KCNK9: variants seen among roughly 807,000 people sequenced by gnomAD.
KCNK9 encodes the protein potassium channel subfamily K member 9.
In KCNK9, 1 loss-of-function variant was observed where a neutral mutation model predicts 10.8. The ratio of observed to expected loss-of-function variants is 0.09; its 90% CI spans 0.03 to 0.44. The LOEUF (loss-of-function observed/expected upper bound fraction) is 0.44, where lower values mean the gene tolerates loss of function less well. Ranked by LOEUF, KCNK9 falls within the 20% of genes least tolerant of loss-of-function variation. The pLI, the probability that KCNK9 is intolerant of heterozygous loss-of-function variation, is 0.97. For missense variants in KCNK9, 303 were observed against 515.0 expected (o/e 0.59, Z 3.98); for synonymous variants, 231 against 222.7 (o/e 1.04, Z -0.33).
At chr8:139,678,180 C>T (rs1005129506) in intron 1 of KCNK9, among the ~76,000 whole-genome samples, 3 of 152,210 alleles carry the variant, frequency 2.0e-5, no homozygotes, top group Admixed American at 6.5e-5. Flanking sequence ...CAGGGCCATA[C>T]GAACTCCTTG....
At chr8:139,604,919 G>A (rs1019102885) in intron 2 of KCNK9, among the ~76,000 whole-genome samples, 2 of 152,154 alleles carry the variant, frequency 1.3e-5, no homozygotes, top group African/African-American at 4.8e-5. Flanking sequence ...AGCATCTCCC[G>A]TTAATCTCTG....
intron 1 of KCNK9, among the ~76,000 whole-genome samples, chr8:139,692,453 A>G (rs1816952804): frequency 6.6e-6 from 1 of 152,128 alleles, no homozygotes; most frequent in South Asian, 2.1e-4. Flanking sequence ...TTGCTTGCCA[A>G]CTTTCCCTTT....
chr8:139,660,107 T>C (rs929195732), intron 1 of KCNK9, among the ~76,000 whole-genome samples: 3 of 152,156 alleles, frequency 2.0e-5, no homozygotes, highest in Admixed American at 6.5e-5. Context: ...TCAGAACTAT[T>C]GTATTTGTTT....
At chr8:139,692,969 A>G (rs13263583) in intron 1 of KCNK9, among the ~76,000 whole-genome samples, 1 of 99,028 alleles carries the variant, frequency 1.0e-5, no homozygotes, top group East Asian at 2.7e-4. Flanking sequence ...CCACCTGAGC[A>G]GCTCACCCTG....
At chr8:139,677,942 A>G (rs576398173) in intron 1 of KCNK9, among the ~76,000 whole-genome samples, 2 of 147,330 alleles carry the variant, frequency 1.4e-5, no homozygotes, top group South Asian at 4.2e-4. Context: ...CTCACATCTC[A>G]GCCCAATGAG....
At chr8:139,672,819 C>A (rs147532667) in intron 1 of KCNK9, among the ~76,000 whole-genome samples, 4,028 of 152,186 alleles carry the variant, frequency 0.026, 86 homozygotes, top group Middle Eastern at 0.068. Context: ...GGTGTGCGGG[C>A]GGGGAAGGGC....
chr8:139,665,412 G>A (rs908899420), intron 1 of KCNK9, among the ~76,000 whole-genome samples: 3 of 152,114 alleles, frequency 2.0e-5, no homozygotes, highest in African/African-American at 7.2e-5. Flanking sequence ...ATATCACATT[G>A]GGCCCACCTG....
chr8:139,629,520 A>G (rs1312143926), intron 1 of KCNK9, among the ~76,000 whole-genome samples: 1 of 152,228 alleles, frequency 6.6e-6, no homozygotes. Context: ...GTTCAGCCTT[A>G]AAGAGAGATG....
intron 1 of KCNK9, among the ~76,000 whole-genome samples, chr8:139,657,352 A>G (rs1183625928): frequency 2.6e-5 from 4 of 152,230 alleles, no homozygotes; most frequent in African/African-American, 9.6e-5. Flanking sequence ...CATTAGTCAC[A>G]GAGGTGATGA....
intron 1 of KCNK9, among the ~76,000 whole-genome samples, chr8:139,633,572 C>A (rs73724469): frequency 6.6e-6 from 1 of 152,184 alleles, no homozygotes; most frequent in African/African-American, 2.4e-5. Context: ...CTCAGACACA[C>A]GTATACGCTC....
intron 1 of KCNK9, among the ~76,000 whole-genome samples, chr8:139,660,778 G>A (rs905461178): frequency 1.3e-5 from 2 of 152,122 alleles, no homozygotes; most frequent in Non-Finnish European, 2.9e-5. Context: ...GTTGTTTTGA[G>A]AAGATATGTC....
chr8:139,703,121 A>C lies in KCNK9; in HGVS notation c.-129T>G. 2.7e-5 allele frequency: 17 copies of C among 620,842 alleles called. No homozygotes were observed. Among genetic ancestry groups the C allele is most frequent in the East Asian group, 4.4e-5 (1 of 22,886 alleles). The allele number at this position is 620,842 out of a possible 1,614,324, so 38.5% of individuals were successfully genotyped here. On this transcript the variant is annotated 5_prime_UTR_variant, in exon 1 of 2. Coordinates refer to ENST00000520439, the MANE Select transcript of KCNK9 (RefSeq NM_001282534.2). This position sits in a 1 kb window ranked among gnomAD's most constrained non-coding sequence, Gnocchi z 6.4. ...CCGCCGCCGCCGCCTCCAAGTTGTA[A>C]GCGGCGGCGGCAGCAGCAGCAGCAG...
intron 2 of KCNK9, among the ~76,000 whole-genome samples, chr8:139,606,245 C>T (rs573091578): frequency 2.0e-5 from 3 of 152,304 alleles, no homozygotes; most frequent in Admixed American, 2.0e-4. Flanking sequence ...ATTTCTGCTA[C>T]AACTTTCCTG....
At chr8:139,677,671 G>A (rs16911181) in intron 1 of KCNK9, among the ~76,000 whole-genome samples, 19,681 of 148,190 alleles carry the variant, frequency 0.13, 1,376 homozygotes, top group Middle Eastern at 0.19. Flanking sequence ...GTAATACCTC[G>A]AGTCCCAGCC....
chr8:139,641,745 C>T (rs997280519), intron 1 of KCNK9, among the ~76,000 whole-genome samples: 1 of 152,242 alleles, frequency 6.6e-6, no homozygotes, highest in African/African-American at 2.4e-5. Flanking sequence ...GCCGTGCCCG[C>T]TACATGGCTG....
intron 1 of KCNK9, among the ~76,000 whole-genome samples, chr8:139,668,905 C>G (rs894920129): frequency 6.6e-6 from 1 of 152,170 alleles, no homozygotes; most frequent in Non-Finnish European, 1.5e-5. Flanking sequence ...TCTTTTCCAG[C>G]TCACATCTAT....
In KCNK9 at chr8:139,634,671, C is replaced by T. The variant is rs376909085; in HGVS notation, c.284-15572G>A. ...CAATTTGTCTCCAGGTCCCCAGGGCCAGGCCTGGCACTTAGTAGGTAACCG... is the reference window on the plus strand; with the variant it reads ...CAATTTGTCTCCAGGTCCCCAGGGCTAGGCCTGGCACTTAGTAGGTAACCG... On this transcript the variant is annotated intron_variant, in intron 1 of 1. Transcript: ENST00000520439. 2.7e-3 allele frequency among the ~76,000 whole-genome samples: 418 copies of T among 152,260 alleles called. 4 individuals are homozygous for T. Among genetic ancestry groups the T allele is most frequent in the African/African-American group, 9.5e-3 (394 of 41,564 alleles).
chr8:139,624,269 T>G (rs140030395), intron 1 of KCNK9, among the ~76,000 whole-genome samples: 1,609 of 152,336 alleles, frequency 0.011, 10 homozygotes, highest in Non-Finnish European at 0.016. Flanking sequence ...GTCAGGCCTC[T>G]GGGTGTGAGG....
At chr8:139,700,268 G>C (rs199211) in intron 1 of KCNK9, among the ~76,000 whole-genome samples, 95,821 of 151,902 alleles carry the variant, frequency 0.63, 30,398 homozygotes, top group Admixed American at 0.66. Flanking sequence ...CGGGATCTCA[G>C]CTGGACCTTA....
Sources: allele counts gnomAD v4.1 joint callset (sites outside exome capture counted in the v4.1 genomes callset), GRCh38; gene constraint gnomAD v4.1.1; non-coding constraint Gnocchi (gnomAD v3.1); transcripts MANE v1.5; gene names NCBI Gene and HGNC (gene_info 2026-07-23, HGNC 2026-07-21).